ASPRV1: variants seen among roughly 807,000 people sequenced by gnomAD.
ASPRV1 encodes the protein aspartic peptidase retroviral like 1, also known as retroviral-like aspartic protease 1.
In ASPRV1, 7 loss-of-function variants were observed where a neutral mutation model predicts 11.0. The observed-to-expected ratio is 0.64, with a 90% CI of 0.36 to 1.20. The LOEUF (loss-of-function observed/expected upper bound fraction) is 1.20, where lower values mean the gene tolerates loss of function less well. Among genes scored for constraint, ASPRV1 ranks in the 50% most tolerant of loss-of-function variants. The pLI, the probability that ASPRV1 is intolerant of heterozygous loss-of-function variation, is 0.02. For missense variants in ASPRV1, 299 were observed against 320.0 expected (o/e 0.93, Z 0.50); for synonymous variants, 136 against 138.4 (o/e 0.98, Z 0.12).
chr2:70,031,292 C>G, the ASPRV1 span: 1 of 152,118 alleles, frequency 6.6e-6, no homozygotes, highest in Non-Finnish European at 1.5e-5. Flanking sequence ...AAGGCTGATC[C>G]ACATTTTGCA....
At chr2:70,059,212 G>C in the ASPRV1 span, among the ~76,000 whole-genome samples, 1 of 150,568 alleles carries the variant, frequency 6.6e-6, no homozygotes, top group East Asian at 1.9e-4. Context: ...TTTTTTAAAA[G>C]CACCTCTTTC....
chr2:70,029,964 T>C, the ASPRV1 span: 31 of 152,232 alleles, frequency 2.0e-4, no homozygotes, highest in African/African-American at 7.5e-4. Flanking sequence ...CCCTTTGCTC[T>C]GTTTTCAAGA....
At chr2:69,956,479 A>G (rs10164921), downstream of ASPRV1, among the ~76,000 whole-genome samples, 8,615 of 128,698 alleles carry the variant, frequency 0.067, 574 homozygotes, top group East Asian at 0.15. Context: ...AGAAGAAGAA[A>G]AGAGGAAGAA....
the ASPRV1 span, among the ~76,000 whole-genome samples, chr2:70,017,632 A>C: frequency 5.3e-5 from 8 of 152,348 alleles, no homozygotes; most frequent in Non-Finnish European, 8.8e-5. Flanking sequence ...TAGATAGACA[A>C]TAGTAAAGAC....
chr2:69,999,484 T>C, the ASPRV1 span, among the ~76,000 whole-genome samples: 1 of 151,318 alleles, frequency 6.6e-6, no homozygotes, highest in East Asian at 1.9e-4. Flanking sequence ...TGAAACCTAG[T>C]CTCTACTACA....
the ASPRV1 span, among the ~76,000 whole-genome samples, chr2:70,013,659 G>A: frequency 6.6e-6 from 1 of 152,216 alleles, no homozygotes; most frequent in African/African-American, 2.4e-5. Flanking sequence ...GGAGGCCAAG[G>A]TGGGTGGATC....
the ASPRV1 span, chr2:69,938,551 G>A: frequency 3.2e-5 from 13 of 402,732 alleles, no homozygotes; most frequent in African/African-American, 8.2e-5. Context: ...TTCTTAGACC[G>A]AATAAGCAAT....
At chr2:69,956,541 G>A (rs1015357700), downstream of ASPRV1, among the ~76,000 whole-genome samples, 22 of 150,512 alleles carry the variant, frequency 1.5e-4, no homozygotes, top group African/African-American at 4.9e-4. Context: ...GGAGGAGGAG[G>A]AGAAGAAGAA....
chr2:70,002,973 C>T, the ASPRV1 span: 1 of 152,236 alleles, frequency 6.6e-6, no homozygotes, highest in East Asian at 1.9e-4. Flanking sequence ...GCAGGGGTGA[C>T]AGACGGTTTG....
chr2:69,952,062 C>T, the ASPRV1 span, among the ~76,000 whole-genome samples: 6 of 152,302 alleles, frequency 3.9e-5, no homozygotes, highest in African/African-American at 1.2e-4. Flanking sequence ...TTTGACCAAA[C>T]TGTTCCAGCT....
chr2:70,086,486 GCCTT>G, the ASPRV1 span: 1 of 152,172 alleles, frequency 6.6e-6, no homozygotes, highest in Non-Finnish European at 1.5e-5. Flanking sequence ...GGCAAAAAAG[GCCTT>G]CCAAGATGGC....
the ASPRV1 span, among the ~76,000 whole-genome samples, chr2:70,043,935 T>C: frequency 6.6e-6 from 1 of 152,150 alleles, no homozygotes; most frequent in African/African-American, 2.4e-5. Context: ...TGTCAGCTGC[T>C]TGTCTTTTCT....
At chr2:69,988,833 AAG>A in the ASPRV1 span, 1 of 456,668 alleles carries the variant, frequency 2.2e-6, no homozygotes, top group South Asian at 1.5e-5. Context: ...GGTTCTGCAG[AAG>A]AGTCTGGAGT....
chr2:69,946,179 C>T, the ASPRV1 span, among the ~76,000 whole-genome samples: 1 of 152,162 alleles, frequency 6.6e-6, no homozygotes, highest in South Asian at 2.1e-4. Flanking sequence ...ACTGTCATCC[C>T]CCAGAAGGCG....
At chr2:69,989,903 GTGA>G in the ASPRV1 span, among the ~76,000 whole-genome samples, 2 of 152,250 alleles carry the variant, frequency 1.3e-5, no homozygotes, top group Admixed American at 1.3e-4. Flanking sequence ...TAAATCAGCG[GTGA>G]TGATGATGAT....
the ASPRV1 span, chr2:69,943,010 T>TTCA: frequency 6.6e-6 from 1 of 152,338 alleles, no homozygotes; most frequent in African/African-American, 2.4e-5. Flanking sequence ...CAGAACTGCG[T>TTCA]TCATCAGATT....
chr2:70,052,075 A>G, the ASPRV1 span, among the ~76,000 whole-genome samples: 3 of 152,140 alleles, frequency 2.0e-5, no homozygotes, highest in Non-Finnish European at 4.4e-5. Context: ...CCCTGTCTTC[A>G]TGGAGCTTAT....
chr2:70,040,365 C>T, the ASPRV1 span, among the ~76,000 whole-genome samples: 1 of 152,130 alleles, frequency 6.6e-6, no homozygotes, highest in Admixed American at 6.6e-5. Context: ...CAGAGCAAGA[C>T]TTTGTCTCTT....
chr2:70,047,761 T>A, the ASPRV1 span, among the ~76,000 whole-genome samples: 1 of 152,140 alleles, frequency 6.6e-6, no homozygotes, highest in African/African-American at 2.4e-5. Flanking sequence ...GAGTTTCTGA[T>A]TTACAGTATG....
Sources: allele counts gnomAD v4.1 joint callset (sites outside exome capture counted in the v4.1 genomes callset), GRCh38; gene constraint gnomAD v4.1.1; transcripts MANE v1.5; gene names NCBI Gene and HGNC (gene_info 2026-07-23, HGNC 2026-07-21).